GAS2: variants seen among roughly 807,000 people sequenced by gnomAD.
GAS2 encodes the protein growth arrest specific 2.
GAS2 carries 20 observed loss-of-function variants against 37.5 expected under a neutral mutation model. That is an observed-to-expected ratio of 0.53 (90% CI 0.37 to 0.77). The LOEUF is 0.77. Ranked by LOEUF, GAS2 falls within the 30% of genes least tolerant of loss-of-function variation. GAS2 has a pLI of 0.00. For missense variants in GAS2, 336 were observed against 373.4 expected, an observed-to-expected ratio of 0.90 and a Z score of 0.82; for synonymous variants, 144 against 132.2, an observed-to-expected ratio of 1.09 and a Z score of -0.61.
At position 22,743,929 on chromosome 11, in the gene GAS2, A is replaced by C. The variant is rs184674528; in HGVS notation, c.474-5191A>C. On this transcript the variant is annotated intron_variant, in intron 5 of 7. Coordinates refer to ENST00000454584, the MANE Select transcript of GAS2 (RefSeq NM_001143830.3). The stretch of plus-strand genomic sequence containing the variant: ...TAACAAAGAAAAAGAGAAGATCCAA[A>C]GAAGCTCAGTCAGGAATGACAAGGA... Among the ~76,000 whole-genome samples, 303 of 152,258 alleles carry C rather than the reference A, an allele frequency of 2.0e-3. 1 individual carries two copies. Among genetic ancestry groups the C allele is most frequent in the African/African-American group, 6.9e-3 (288 of 41,562 alleles).
intron 7 of GAS2, among the ~76,000 whole-genome samples, chr11:22,771,847 A>G (rs1329790597): frequency 6.6e-6 from 1 of 152,174 alleles, no homozygotes; most frequent in Non-Finnish European, 1.5e-5. Context: ...AGGGTGTGCT[A>G]TTTGAAAGAA....
chr11:22,727,562 TTC>T (rs1852275715), intron 4 of GAS2, among the ~76,000 whole-genome samples: 1 of 151,940 alleles, frequency 6.6e-6, no homozygotes, highest in Non-Finnish European at 1.5e-5. Context: ...TTTTTGAAAA[TTC>T]TCTTAGCAAA....
chr11:22,632,483 C>A (rs188902669), intron 1 of GAS2, among the ~76,000 whole-genome samples: 1 of 152,120 alleles, frequency 6.6e-6, no homozygotes, highest in Non-Finnish European at 1.5e-5. Context: ...TCTTGGAATT[C>A]TTTTCTTCAC....
At chr11:22,664,048 T>A (rs1848947606), upstream of GAS2, among the ~76,000 whole-genome samples, 1 of 152,222 alleles carries the variant, frequency 6.6e-6, no homozygotes, top group Admixed American at 6.5e-5. Context: ...CTGCTTTCTG[T>A]ATCATTATTC....
intron 1 of GAS2, among the ~76,000 whole-genome samples, chr11:22,637,951 C>T (rs1040649213): frequency 6.6e-6 from 1 of 151,762 alleles, no homozygotes; most frequent in Admixed American, 6.6e-5. Flanking sequence ...TGTAACCTTA[C>T]ATATATTCCC....
intron 6 of GAS2, among the ~76,000 whole-genome samples, chr11:22,755,309 G>A (rs1319878028): frequency 6.6e-6 from 1 of 152,026 alleles, no homozygotes; most frequent in Non-Finnish European, 1.5e-5. Flanking sequence ...CTGAGTATAT[G>A]AGAGATTAAT....
intron 7 of GAS2, among the ~76,000 whole-genome samples, chr11:22,790,789 A>T (rs1856117925): frequency 6.6e-6 from 1 of 151,848 alleles, no homozygotes; most frequent in South Asian, 2.1e-4. Context: ...AGCATCCTTT[A>T]TTAGAATAAG....
At chr11:22,697,532 G>C (rs990645968) in intron 3 of GAS2, among the ~76,000 whole-genome samples, 1 of 152,148 alleles carries the variant, frequency 6.6e-6, no homozygotes, top group Non-Finnish European at 1.5e-5. Context: ...AATTACCTTG[G>C]GCAGTATGAC....
intron 1 of GAS2, among the ~76,000 whole-genome samples, chr11:22,649,569 C>G (rs1369411157): frequency 6.6e-6 from 1 of 152,120 alleles, no homozygotes; most frequent in Non-Finnish European, 1.5e-5. Flanking sequence ...GGTTGGTAAG[C>G]TATTGATTAT....
intron 3 of GAS2, among the ~76,000 whole-genome samples, chr11:22,708,726 C>G (rs1851252778): frequency 6.6e-6 from 1 of 152,128 alleles, no homozygotes; most frequent in African/African-American, 2.4e-5. Flanking sequence ...AGGTGGTGAA[C>G]AAAACCAGTC....
At chr11:22,734,398 T>G (rs1852637714) in intron 4 of GAS2, among the ~76,000 whole-genome samples, 1 of 151,634 alleles carries the variant, frequency 6.6e-6, no homozygotes, top group African/African-American at 2.4e-5. Flanking sequence ...TAACTATATC[T>G]GATATAATAT....
At chr11:22,635,007 CCA>C (rs1858802276) in intron 1 of GAS2, among the ~76,000 whole-genome samples, 1 of 152,142 alleles carries the variant, frequency 6.6e-6, no homozygotes, top group African/African-American at 2.4e-5. Flanking sequence ...TGTTTTTGTG[CCA>C]ACAGATGCTG....
At chr11:22,677,377 A>C (rs917846216) in intron 2 of GAS2, among the ~76,000 whole-genome samples, 1 of 152,200 alleles carries the variant, frequency 6.6e-6, no homozygotes, top group Non-Finnish European at 1.5e-5. Flanking sequence ...GTTTCAACAG[A>C]AAAGAAAGAG....
At chr11:22,724,039 G>A (rs1852073948) in intron 3 of GAS2, among the ~76,000 whole-genome samples, 1 of 151,652 alleles carries the variant, frequency 6.6e-6, no homozygotes, top group Non-Finnish European at 1.5e-5. Flanking sequence ...ATTTATGCAT[G>A]TCCTTCTTGA....
intron 3 of GAS2, among the ~76,000 whole-genome samples, chr11:22,725,071 A>G (rs537419168): frequency 2.0e-5 from 3 of 152,194 alleles, no homozygotes; most frequent in Admixed American, 6.6e-5. Flanking sequence ...GCAAAGTCCT[A>G]TGTAGCCCAG....
intron 7 of GAS2, among the ~76,000 whole-genome samples, chr11:22,774,045 G>A (rs1488572391): frequency 6.6e-6 from 1 of 152,116 alleles, no homozygotes. Context: ...CCAGGCTGGA[G>A]TACAATGGCA....
intron 5 of GAS2, among the ~76,000 whole-genome samples, chr11:22,742,717 A>G (rs1853155778): frequency 6.6e-6 from 1 of 152,086 alleles, no homozygotes; most frequent in Admixed American, 6.6e-5. Context: ...TTTGTTACCA[A>G]TTTTATTCAA....
intron 1 of GAS2, among the ~76,000 whole-genome samples, chr11:22,661,350 C>A (rs1039621362): frequency 1.6e-4 from 24 of 151,640 alleles, no homozygotes; most frequent in East Asian, 8.0e-4. Flanking sequence ...TATTTATTTA[C>A]TCAATTATTT....
chr11:22,705,355 C>G (rs1057215176), intron 3 of GAS2, among the ~76,000 whole-genome samples: 2 of 148,040 alleles, frequency 1.4e-5, no homozygotes, highest in African/African-American at 5.0e-5. Context: ...CTCTTCATGT[C>G]CCTGCTCAAA....
Sources: allele counts gnomAD v4.1 joint callset (sites outside exome capture counted in the v4.1 genomes callset), GRCh38; gene constraint gnomAD v4.1.1; transcripts MANE v1.5; gene names NCBI Gene and HGNC (gene_info 2026-07-23, HGNC 2026-07-21).